Variants in DMXL2 observed in about 807,000 individuals in gnomAD.
DMXL2 encodes dmX-like protein 2.
DMXL2 carries 103 observed loss-of-function variants against 331.1 expected under a neutral mutation model. The observed-to-expected ratio is 0.31, with a 90% CI of 0.27 to 0.37. The LOEUF is 0.37. Ranked by LOEUF, DMXL2 falls within the 10% of genes least tolerant of loss-of-function variation. The pLI, the probability that DMXL2 is intolerant of heterozygous loss-of-function variation, is 1.00. For missense variants in DMXL2, 3,171 were observed against 3,642.9 expected, an observed-to-expected ratio of 0.87 and a Z score of 3.33; for synonymous variants, 1,281 against 1,252.1, an observed-to-expected ratio of 1.02 and a Z score of -0.49.
intron 11 of DMXL2, among the ~76,000 whole-genome samples, chr15:51,537,094 A>T (rs2048330051): frequency 6.6e-6 from 1 of 152,204 alleles, no homozygotes; most frequent in Non-Finnish European, 1.5e-5. Context: ...AAATGACCAC[A>T]GCCACAGATC....
rs2051018676 is a variant in DMXL2, at chr15:51,576,183, T to TAAAAAGAAAAAAAA, written c.88-3_88-2insTTTTTTTTCTTTTT. 1 of 540,658 alleles carries TAAAAAGAAAAAAAA rather than the reference T, an allele frequency of 1.8e-6. No homozygotes were observed. The highest frequency in any genetic ancestry group is 2.4e-6 in the Non-Finnish European group (1 of 424,206). 33.5% of individuals were successfully genotyped at this position (540,658 alleles called of 1,614,324 possible). Reference sequence around the variant, plus strand: ...AATATCACAGCCTGATCCATATGCCTAAAAAAAAAAAAAAAAAAAAGTTTT... The same window carrying TAAAAAGAAAAAAAA: ...AATATCACAGCCTGATCCATATGCCTAAAAAGAAAAAAAAAAAAAAAAAAAAAAAAAAAAGTTTT... On this transcript the variant is annotated splice_polypyrimidine_tract_variant and splice_region_variant and intron_variant, in intron 1 of 43. Transcript: ENST00000560891.
chr15:51,589,407 G>A lies in DMXL2; in HGVS notation c.88-13226C>T, dbSNP rs1388180171. 3.7e-4 allele frequency among the ~76,000 whole-genome samples: 56 copies of A among 152,162 alleles called. 1 individual carries two copies. The highest frequency in any genetic ancestry group is 3.6e-3 in the Admixed American group (55 of 15,280). Reference sequence around the variant, plus strand: ...GAAGTCCAATTGCTCTTCCTTGATGGTTTATTGTGTATCTTAAAATAAACC... The same window carrying A: ...GAAGTCCAATTGCTCTTCCTTGATGATTTATTGTGTATCTTAAAATAAACC... On this transcript the variant is annotated intron_variant, in intron 1 of 43. Transcript: ENST00000560891.
chr15:51,565,724 AT>A lies in DMXL2; in HGVS notation c.286-559del, dbSNP rs1038976400. Among the ~76,000 whole-genome samples the A allele has an allele frequency of 2.0e-4, 30 of 152,288 alleles. 1 individual carries two copies. The highest frequency in any genetic ancestry group is 1.9e-3 in the Admixed American group (29 of 15,288). ...GCATAAAGATGTTAAATGTTTACAT[AT>A]TTCTTTGTAGTACATAAATATAAAA... On this transcript the variant is annotated intron_variant, in intron 3 of 43. Transcript: ENST00000560891.
chr15:51,568,512 C>T lies in DMXL2; in HGVS notation c.260G>A (p.Gly87Asp). 1 of 1,574,660 alleles carries T rather than the reference C, an allele frequency of 6.4e-7. No homozygotes were observed. The highest frequency in any genetic ancestry group is 1.7e-4 in the Middle Eastern group (1 of 5,958). The change falls in exon 3 of 44, where the codon GGC becomes GAC. Residue 87 changes from glycine to aspartate, a missense_variant. Physicochemically the swap from Gly to Asp is moderately conservative, Grantham distance 94. This residue lies in a region of DMXL2 where 1,674 missense variants were observed against 1,780.2 expected (regional missense o/e 0.94). Coordinates refer to ENST00000560891, the MANE Select transcript of DMXL2 (RefSeq NM_001378457.1). The part of the protein sequence containing the change: ...GNAVCIFEPL[G>D]INSHKRNCQL... ...ACAATTTCTTTTATGAGAATTTATGCCCAAGGGCTCAAATATACAAACAGC... is the reference window on the plus strand; with the variant it reads ...ACAATTTCTTTTATGAGAATTTATGTCCAAGGGCTCAAATATACAAACAGC...
At chr15:51,476,757 G>A (rs780569697) in intron 26 of DMXL2, 38 bp from the exon 27 acceptor site, 8 of 1,530,274 alleles carry the variant, frequency 5.2e-6, no homozygotes, top group East Asian at 2.4e-5. Flanking sequence ...CATCCTGAGA[G>A]GTAATAAAAA....
At chr15:51,501,990 G>C (rs1237272509) in intron 17 of DMXL2, among the ~76,000 whole-genome samples, 1 of 150,980 alleles carries the variant, frequency 6.6e-6, no homozygotes, top group African/African-American at 2.4e-5. Context: ...CAGCACTTTG[G>C]GAGGCTGAGG....
At chr15:51,492,316 C>A (rs1429819031) in intron 19 of DMXL2, among the ~76,000 whole-genome samples, 1 of 152,212 alleles carries the variant, frequency 6.6e-6, no homozygotes, top group East Asian at 1.9e-4. Flanking sequence ...TTCTCTCTAG[C>A]CATGGAGCTA....
At chr15:51,594,299 A>C (rs1052252652) in intron 1 of DMXL2, among the ~76,000 whole-genome samples, 1 of 152,200 alleles carries the variant, frequency 6.6e-6, no homozygotes, top group Admixed American at 6.5e-5. Flanking sequence ...CTACACAAAT[A>C]AACTAGAAAA....
chr15:51,606,559 C>T (rs2053602575), intron 1 of DMXL2, among the ~76,000 whole-genome samples: 1 of 152,180 alleles, frequency 6.6e-6, no homozygotes, highest in South Asian at 2.1e-4. Context: ...AAGCCTTGCG[C>T]TTGAATTAAT....
intron 1 of DMXL2, among the ~76,000 whole-genome samples, chr15:51,617,763 C>T (rs2305708): frequency 0.48 from 72,333 of 151,960 alleles, 17,614 homozygotes; most frequent in Non-Finnish European, 0.52. Flanking sequence ...AGTGATTTCA[C>T]CAACACCATA....
intron 2 of DMXL2, among the ~76,000 whole-genome samples, chr15:51,571,505 CTT>C (rs1490295555): frequency 6.6e-6 from 1 of 152,186 alleles, no homozygotes; most frequent in Non-Finnish European, 1.5e-5. Flanking sequence ...CCACATCACA[CTT>C]ATTCTAAAAT....
In DMXL2 at chr15:51,463,435, C is replaced by A. The variant is rs953130755; in HGVS notation, c.7870G>T (p.Val2624Phe). 3 of 1,601,370 alleles carry A rather than the reference C, an allele frequency of 1.9e-6. No homozygotes were observed. Among genetic ancestry groups the A allele is most frequent in the Non-Finnish European group, 1.7e-6 (2 of 1,175,682 alleles). ...TATCTAATAAATGTCTCTTGAAGGACCTCTTGTTTAACAAGGAAATGCCAA... is the reference window on the plus strand; with the variant it reads ...TATCTAATAAATGTCTCTTGAAGGAACTCTTGTTTAACAAGGAAATGCCAA... Reference protein sequence around the residue: ...RLWHFLVKQEVLQETFIRYIF... With the variant: ...RLWHFLVKQEFLQETFIRYIF... Residue 2624 changes from valine (V) to phenylalanine (F), a missense_variant, in exon 33 of 44, where the codon GTC becomes TTC. Val to Phe is a conservative substitution (Grantham distance 50). Transcript: ENST00000560891.
intron 13 of DMXL2, among the ~76,000 whole-genome samples, chr15:51,529,746 A>G (rs1163693114): frequency 6.6e-6 from 1 of 152,220 alleles, no homozygotes; most frequent in East Asian, 1.9e-4. Context: ...AATACTTTCA[A>G]ACTCATTCTA....
chr15:51,529,627 TAAAGA>T (rs2047887135), intron 13 of DMXL2, among the ~76,000 whole-genome samples: 1 of 151,940 alleles, frequency 6.6e-6, no homozygotes, highest in Admixed American at 6.6e-5. Flanking sequence ...AGTCTCTAAG[TAAAGA>T]AAAGCCCAGG....
intron 1 of DMXL2, among the ~76,000 whole-genome samples, chr15:51,589,143 A>C (rs1437530003): frequency 6.6e-6 from 1 of 152,130 alleles, no homozygotes; most frequent in Non-Finnish European, 1.5e-5. Context: ...ATCAAAGTCT[A>C]CTCCGGGAAA....
At chr15:51,561,702 A>G (rs1278712273) in intron 6 of DMXL2, among the ~76,000 whole-genome samples, 1 of 152,208 alleles carries the variant, frequency 6.6e-6, no homozygotes, top group African/African-American at 2.4e-5. Flanking sequence ...AAAAAAAGGA[A>G]ATCAGTGTAT....
At chr15:51,489,949 G>A (rs909128635) in intron 20 of DMXL2, among the ~76,000 whole-genome samples, 1 of 152,150 alleles carries the variant, frequency 6.6e-6, no homozygotes, top group Non-Finnish European at 1.5e-5. Context: ...GACACATGTT[G>A]ACAAGAAGTA....
chr15:51,618,988 T>C (rs1435012638), intron 1 of DMXL2, among the ~76,000 whole-genome samples: 1 of 152,202 alleles, frequency 6.6e-6, no homozygotes, highest in African/African-American at 2.4e-5. Flanking sequence ...CTCAAAATAG[T>C]CTGCAAGCCT....
chr15:51,517,594 C>G (rs2047107695), intron 13 of DMXL2, among the ~76,000 whole-genome samples: 1 of 152,188 alleles, frequency 6.6e-6, no homozygotes, highest in African/African-American at 2.4e-5. Context: ...ACAAATGAAG[C>G]CTAACTTTGG....
Sources: allele counts gnomAD v4.1 joint callset (sites outside exome capture counted in the v4.1 genomes callset), GRCh38; gene constraint gnomAD v4.1.1; regional missense constraint gnomAD v4.1.1; transcripts MANE v1.5; gene names NCBI Gene and HGNC (gene_info 2026-07-23, HGNC 2026-07-21).